APPL2: variants seen among roughly 807,000 people sequenced by gnomAD.
The protein encoded by APPL2 is DCC-interacting protein 13-beta.
A neutral mutation model predicts 92.7 loss-of-function variants in APPL2; 84 were observed. The ratio of observed to expected loss-of-function variants is 0.91; its 90% CI spans 0.76 to 1.09. The LOEUF is 1.09. APPL2 is among the 50% of genes least tolerant of loss of function. APPL2 has a pLI of 0.00. For synonymous variants in APPL2, 291 were observed against 291.0 expected, an observed-to-expected ratio of 1.00 and a Z score of 0.00; for missense variants, 736 against 824.5, an observed-to-expected ratio of 0.89 and a Z score of 1.31.
At chr12:105,231,315 T>C (rs1032121356) in intron 1 of APPL2, among the ~76,000 whole-genome samples, 3 of 152,194 alleles carry the variant, frequency 2.0e-5, no homozygotes, top group African/African-American at 7.2e-5. Context: ...AGAGAGGGTT[T>C]GCATGAATGT....
At chr12:105,210,867 A>G (rs775077474) in intron 5 of APPL2, among the ~76,000 whole-genome samples, 8 of 152,096 alleles carry the variant, frequency 5.3e-5, no homozygotes, top group Non-Finnish European at 7.4e-5. Flanking sequence ...AATGTCCCCT[A>G]ATCTGGAACA....
chr12:105,215,766 C>T (rs547198804), intron 4 of APPL2, among the ~76,000 whole-genome samples: 5 of 152,194 alleles, frequency 3.3e-5, no homozygotes, highest in East Asian at 3.9e-4. Flanking sequence ...TTTGGCCAGG[C>T]GCGGTGGCTC....
chr12:105,236,035 G>A lies in APPL2; in HGVS notation c.-23C>T, dbSNP rs754732060. 48 of 1,239,448 alleles carry A rather than the reference G, an allele frequency of 3.9e-5. No individual in the cohort carries two copies. In the African/African-American group the frequency reaches 4.2e-4, roughly 11 times the overall value. 76.8% of individuals were successfully genotyped at this position (1,239,448 alleles called of 1,614,324 possible). A position where few individuals can be genotyped will look rare whatever the true frequency, so the allele number is the denominator to read the frequency against. ...CATGGTGCGGCGCGGCTCAGCCGAG[G>A]GCTGGGTTGGAAGGACAGAGGGCAG... On this transcript the variant is annotated 5_prime_UTR_variant, in exon 1 of 21. Transcript: ENST00000258530.
intron 17 of APPL2, among the ~76,000 whole-genome samples, chr12:105,187,091 ATCT>A (rs1886802860): frequency 6.6e-6 from 1 of 151,794 alleles, no homozygotes; most frequent in Non-Finnish European, 1.5e-5. Flanking sequence ...TTTTCCTTTG[ATCT>A]TTTTGGTGGA....
intron 2 of APPL2, among the ~76,000 whole-genome samples, chr12:105,228,620 C>T (rs1323776803): frequency 6.6e-6 from 1 of 152,146 alleles, no homozygotes; most frequent in East Asian, 1.9e-4. Context: ...TTTTGCTACT[C>T]AGCAATTTCT....
rs75524613 is a variant in APPL2, at chr12:105,226,617, C to A, written c.153+2508G>T. 1.1e-3 allele frequency among the ~76,000 whole-genome samples: 163 copies of A among 152,318 alleles called. 4 individuals are homozygous for A. In the East Asian group the frequency reaches 0.029, roughly 27 times the overall value. ...AGAGTGACAGAGACACAGTCTCTCACGTCTTGGGTTTTTAAGCCTTAAATA... is the reference window on the plus strand; with the variant it reads ...AGAGTGACAGAGACACAGTCTCTCAAGTCTTGGGTTTTTAAGCCTTAAATA... On this transcript the variant is annotated intron_variant, in intron 2 of 20. Coordinates refer to ENST00000258530, the MANE Select transcript of APPL2 (RefSeq NM_018171.5).
chr12:105,189,657 A>G, intron 16 of APPL2, 115 bp downstream of exon 16: 7 of 1,215,436 alleles, frequency 5.8e-6, no homozygotes, highest in Non-Finnish European at 8.3e-6. Flanking sequence ...AGAACAACAA[A>G]TCTTAATTCA....
Position 105,176,755 on chromosome 12 carries a change from C to T in APPL2, c.1812+121G>A, listed in dbSNP as rs192990108. On this transcript the variant is annotated intron_variant, in intron 19 of 20. Coordinates refer to ENST00000258530, the MANE Select transcript of APPL2 (RefSeq NM_018171.5). Reference sequence around the variant, plus strand: ...GCCTTCTTAGGAGGTATTATCTGAACTCCTGGATGGAGACATGCAGAATAA... The same window carrying T: ...GCCTTCTTAGGAGGTATTATCTGAATTCCTGGATGGAGACATGCAGAATAA... The T allele has an allele frequency of 3.1e-4, 412 of 1,313,060 alleles. 2 individuals carry two copies. In the African/African-American group the frequency reaches 5.4e-3, roughly 17 times the overall value. The allele number at this position is 1,313,060 out of a possible 1,614,324, so 81.3% of individuals were successfully genotyped here.
intron 17 of APPL2, among the ~76,000 whole-genome samples, chr12:105,183,161 A>G (rs1347568877): frequency 1.4e-5 from 2 of 145,550 alleles, no homozygotes; most frequent in Admixed American, 1.4e-4. Flanking sequence ...TCTGCACATG[A>G]GATGGGTCTC....
chr12:105,219,870 T>C lies in APPL2; in HGVS notation c.154-2145A>G, dbSNP rs1471653932. 2.6e-5 allele frequency among the ~76,000 whole-genome samples: 4 copies of C among 152,366 alleles called. No individual in the cohort carries two copies. In the South Asian group the frequency reaches 6.2e-4, roughly 24 times the overall value. ...TGGATTCATTCAAGCTATCTTGGCA[T>C]GTTCCTGAGGGCAGCACCATGTGGA... On this transcript the variant is annotated intron_variant, in intron 2 of 20. Transcript: ENST00000258530.
In APPL2 at chr12:105,236,088, G is replaced by C; in HGVS notation, c.-76C>G. 3 of 1,061,128 alleles carry C rather than the reference G, an allele frequency of 2.8e-6. No homozygotes were observed. Among genetic ancestry groups the C allele is most frequent in the Non-Finnish European group, 3.6e-6 (3 of 839,370 alleles). 65.7% of individuals were successfully genotyped at this position (1,061,128 alleles called of 1,614,324 possible). Reference sequence around the variant, plus strand: ...GACGCGGCGGCCGAGAGCACTCCCCGGCTCTGGGCTCAGGCGACGCGGCGG... The same window carrying C: ...GACGCGGCGGCCGAGAGCACTCCCCCGCTCTGGGCTCAGGCGACGCGGCGG... On this transcript the variant is annotated 5_prime_UTR_variant, in exon 1 of 21. Coordinates refer to ENST00000258530, the MANE Select transcript of APPL2 (RefSeq NM_018171.5).
In APPL2 at chr12:105,217,661, G is replaced by A. The variant is rs201091725; in HGVS notation, c.213+5C>T. ...GCATCACAGGCCACATAAATACCAA[G>A]TTACCTGTTTTTCATATGCCAGCAG... is the stretch of plus-strand genomic sequence containing the variant. On this transcript the variant is annotated splice_donor_5th_base_variant and intron_variant, in intron 3 of 20. Coordinates refer to ENST00000258530, the MANE Select transcript of APPL2 (RefSeq NM_018171.5). The A allele has an allele frequency of 5.0e-6, 8 of 1,613,908 alleles. No individual in the cohort carries two copies. The Admixed American group carries it at 1.3e-4, about 27-fold the overall frequency.
At position 105,190,250 on chromosome 12, in the gene APPL2, C is replaced by T. The variant is rs1887087863; in HGVS notation, c.1242-95G>A. ...GAGGTGACTTTTATGAATGAAAATA[C>T]AAGGGGAAAGATTGACCTCAATCCC... On this transcript the variant is annotated intron_variant, in intron 14 of 20. Transcript: ENST00000258530. 5 of 1,332,720 alleles carry T rather than the reference C, an allele frequency of 3.8e-6. No homozygotes were observed. In the South Asian group the frequency reaches 7.0e-5, roughly 19 times the overall value. The allele number at this position is 1,332,720 out of a possible 1,614,324, so 82.6% of individuals were successfully genotyped here.
chr12:105,179,785 T>C (rs1393498735), intron 17 of APPL2, among the ~76,000 whole-genome samples: 1 of 152,218 alleles, frequency 6.6e-6, no homozygotes, highest in Non-Finnish European at 1.5e-5. Flanking sequence ...TTTTGAAAAA[T>C]GTCTGTTCAT....
chr12:105,191,127 A>G (rs756642188), intron 14 of APPL2, among the ~76,000 whole-genome samples: 5 of 152,228 alleles, frequency 3.3e-5, no homozygotes, highest in Non-Finnish European at 7.3e-5. Flanking sequence ...TACAACAGGC[A>G]TTTGACAAAT....
intron 4 of APPL2, among the ~76,000 whole-genome samples, chr12:105,215,918 T>C (rs1348837451): frequency 6.6e-6 from 1 of 151,986 alleles, no homozygotes; most frequent in African/African-American, 2.4e-5. Context: ...TCCCAGCTAC[T>C]CGGGAGGCTG....
intron 19 of APPL2, chr12:105,176,368 T>C (rs1885545034): frequency 9.3e-6 from 5 of 537,524 alleles, no homozygotes; most frequent in Non-Finnish European, 1.3e-5. Context: ...CTCTCTTAAA[T>C]GTATTTAGCC....
Position 105,173,594 on chromosome 12 carries a change from T to A in APPL2, c.*720A>T, listed in dbSNP as rs1885191735. 6.5e-6 allele frequency: 1 copy of A among 152,678 alleles called. No individual in the cohort carries two copies. The highest frequency in any genetic ancestry group is 2.4e-5 in the African/African-American group (1 of 41,466). The allele number at this position is 152,678 out of a possible 1,614,324, so 9.5% of individuals were successfully genotyped here. A position where few individuals can be genotyped will look rare whatever the true frequency, so the allele number is the denominator to read the frequency against. ...AACAGGAACTGGTAGAGCTGCACCC[T>A]GTCCACAGTGATCCACTACTAAAAA... On this transcript the variant is annotated 3_prime_UTR_variant, in exon 21 of 21. Transcript: ENST00000258530.
chr12:105,195,500 C>T lies in APPL2; in HGVS notation c.1097G>A (p.Trp366Ter), dbSNP rs1415627424. 3.0e-5 allele frequency: 48 copies of T among 1,614,042 alleles called. No homozygotes were observed. Among genetic ancestry groups the T allele is most frequent in the Non-Finnish European group, 3.7e-5 (44 of 1,180,036 alleles). ...GGAGATGTTGTTTATTGCACATATC[C>T]ACTGTAGAGGACATTAAAAAAGAAC... ...QAESRKENEEWICAINNISRQ... is the reference protein window; with the variant it reads ...QAESRKENEE Residue 366 changes from tryptophan (W) to a stop codon, truncating the protein, a stop_gained and splice_region_variant, in exon 13 of 21, where the codon TGG becomes TAG. Coordinates refer to ENST00000258530, the MANE Select transcript of APPL2 (RefSeq NM_018171.5). LOFTEE classifies it high-confidence loss of function.
Sources: allele counts gnomAD v4.1 joint callset (sites outside exome capture counted in the v4.1 genomes callset), GRCh38; gene constraint gnomAD v4.1.1; transcripts MANE v1.5; gene names NCBI Gene and HGNC (gene_info 2026-07-23, HGNC 2026-07-21).